SHTN1: variants seen among roughly 807,000 people sequenced by gnomAD.
SHTN1 encodes shootin 1.
Under a neutral mutation model 83.1 loss-of-function variants are expected in SHTN1, and 42 were observed. That is an observed-to-expected ratio of 0.51 (90% CI 0.39 to 0.65). SHTN1 has a LOEUF of 0.65. Among genes scored for constraint, SHTN1 ranks in the 30% least tolerant of loss-of-function variants. The probability of loss-of-function intolerance (pLI) is 0.00; values close to 1 mark genes in which losing one functional copy is unlikely to be tolerated. For missense variants in SHTN1, 622 were observed against 737.8 expected (o/e 0.84, Z 1.82); for synonymous variants, 224 against 247.7 (o/e 0.90, Z 0.90).
chr10:116,896,654 T>C (rs1186947153), intron 16 of SHTN1, among the ~76,000 whole-genome samples: 1 of 152,206 alleles, frequency 6.6e-6, no homozygotes, highest in Non-Finnish European at 1.5e-5. Context: ...ACGTCATCTT[T>C]TGATCAAAAT....
intron 16 of SHTN1, among the ~76,000 whole-genome samples, chr10:116,893,576 G>GCACACACACACACACACACACACA (rs6144113): frequency 0.26 from 31,940 of 123,270 alleles, 4,965 homozygotes; most frequent in Admixed American, 0.3. Context: ...GCACTCATGT[G>GCACACACACACACACACACACACA]CACACACACA....
chr10:116,954,570 A>G (rs1849905506), intron 4 of SHTN1, among the ~76,000 whole-genome samples: 1 of 152,140 alleles, frequency 6.6e-6, no homozygotes, highest in African/African-American at 2.4e-5. Context: ...TGGTGCTGAG[A>G]ACACCTTTTA....
intron 1 of SHTN1, among the ~76,000 whole-genome samples, chr10:117,002,141 A>G (rs1851841609): frequency 6.6e-6 from 1 of 152,228 alleles, no homozygotes; most frequent in African/African-American, 2.4e-5. Context: ...TTTGGAGGGC[A>G]CTTTTGCAAT....
chr10:117,124,186 T>C (rs1283143271), intron 1 of SHTN1, among the ~76,000 whole-genome samples: 1 of 145,942 alleles, frequency 6.9e-6, no homozygotes, highest in Non-Finnish European at 1.5e-5. Context: ...CACTCCAGCC[T>C]GGGTGACAGA....
intron 1 of SHTN1, among the ~76,000 whole-genome samples, chr10:117,051,019 T>C (rs1464810422): frequency 6.6e-6 from 1 of 152,208 alleles, no homozygotes; most frequent in Non-Finnish European, 1.5e-5. Context: ...ATCGCACTCC[T>C]GCACTACAGT....
chr10:116,982,552 C>A (rs1851063963), intron 1 of SHTN1, among the ~76,000 whole-genome samples: 1 of 152,134 alleles, frequency 6.6e-6, no homozygotes, highest in Non-Finnish European at 1.5e-5. Flanking sequence ...GAGAAAGCTG[C>A]CTTTTTGTTT....
chr10:117,047,142 G>A (rs1383686724), intron 2 of SHTN1, among the ~76,000 whole-genome samples: 1 of 152,138 alleles, frequency 6.6e-6, no homozygotes, highest in African/African-American at 2.4e-5. Context: ...TCAGCACACT[G>A]CAACCTCTGC....
At chr10:117,103,393 G>C (rs143756868) in intron 1 of SHTN1, among the ~76,000 whole-genome samples, 3 of 151,632 alleles carry the variant, frequency 2.0e-5, no homozygotes, top group Admixed American at 2.0e-4. Context: ...ACCCAGCCTC[G>C]TTGTTCATTT....
intron 13 of SHTN1, among the ~76,000 whole-genome samples, chr10:116,913,518 C>T (rs763445117): frequency 5.1e-4 from 77 of 152,158 alleles, no homozygotes; most frequent in Non-Finnish European, 9.4e-4. Context: ...AGAAAAAGCA[C>T]AAAGTGATAT....
At chr10:116,993,017 C>CTTT (rs35364697) in intron 1 of SHTN1, among the ~76,000 whole-genome samples, 119 of 121,182 alleles carry the variant, frequency 9.8e-4, no homozygotes, top group African/African-American at 1.4e-3. Context: ...TCTTTTTTTT[C>CTTT]TTTTTTTTTT....
At chr10:117,018,798 C>T (rs1182599435) in intron 2 of SHTN1, among the ~76,000 whole-genome samples, 2 of 152,040 alleles carry the variant, frequency 1.3e-5, no homozygotes, top group East Asian at 3.9e-4. Context: ...GTCTTGAATG[C>T]CTGACCTTGT....
chr10:116,977,504 C>T (rs1850848377), intron 2 of SHTN1, among the ~76,000 whole-genome samples: 1 of 152,124 alleles, frequency 6.6e-6, no homozygotes, highest in African/African-American at 2.4e-5. Flanking sequence ...TAAGCATTAC[C>T]CACTAGGTTT....
chr10:116,891,589 CTGG>C (rs1847344372), intron 16 of SHTN1, among the ~76,000 whole-genome samples: 1 of 152,168 alleles, frequency 6.6e-6, no homozygotes. Context: ...TATATTTTCT[CTGG>C]TGTAAAAATA....
chr10:117,018,579 T>C (rs117986981), intron 2 of SHTN1, among the ~76,000 whole-genome samples: 2 of 138,276 alleles, frequency 1.4e-5, no homozygotes, highest in East Asian at 2.1e-4. Flanking sequence ...TTTTTTTTTT[T>C]TTTTTTTTTT....
At chr10:116,967,356 G>T (rs1850433179) in intron 3 of SHTN1, among the ~76,000 whole-genome samples, 1 of 152,122 alleles carries the variant, frequency 6.6e-6, no homozygotes, top group South Asian at 2.1e-4. Flanking sequence ...CAGTGAGAGG[G>T]CTATTTCAAA....
At chr10:117,078,884 C>T (rs912000173) in intron 1 of SHTN1, among the ~76,000 whole-genome samples, 20 of 152,112 alleles carry the variant, frequency 1.3e-4, no homozygotes, top group Admixed American at 6.5e-5. Flanking sequence ...GTTATCAAAT[C>T]TGTGGGCAGA....
At chr10:116,897,617 G>A (rs1474219176) in intron 16 of SHTN1, among the ~76,000 whole-genome samples, 1 of 152,202 alleles carries the variant, frequency 6.6e-6, no homozygotes, top group Non-Finnish European at 1.5e-5. Flanking sequence ...TGTAAGATAA[G>A]ATAGGAAAGG....
chr10:116,927,744 G>T, intron 11 of SHTN1, 48 bp downstream of exon 11: 1 of 1,457,718 alleles, frequency 6.9e-7, no homozygotes, highest in Non-Finnish European at 9.1e-7. Flanking sequence ...GGCACAATCT[G>T]ATGGAGAAGA....
intron 11 of SHTN1, among the ~76,000 whole-genome samples, chr10:116,923,728 T>A (rs1396857655): frequency 6.6e-6 from 1 of 152,130 alleles, no homozygotes; most frequent in African/African-American, 2.4e-5. Context: ...TAATGTTTTT[T>A]AATTTTTTGC....
Sources: allele counts gnomAD v4.1 joint callset (sites outside exome capture counted in the v4.1 genomes callset), GRCh38; gene constraint gnomAD v4.1.1; transcripts MANE v1.5; gene names NCBI Gene and HGNC (gene_info 2026-07-23, HGNC 2026-07-21).